BABAM2: variants seen among roughly 807,000 people sequenced by gnomAD.
BABAM2 encodes the protein BRISC and BRCA1-A complex member 2.
BABAM2 carries 31 observed loss-of-function variants against 54.7 expected under a neutral mutation model. The observed-to-expected ratio is 0.57, with a 90% confidence interval of 0.43 to 0.77. The LOEUF (loss-of-function observed/expected upper bound fraction) is 0.77, where lower values mean the gene tolerates loss of function less well. BABAM2 is among the 30% of genes least tolerant of loss of function. The pLI, the probability that BABAM2 is intolerant of heterozygous loss-of-function variation, is 0.00. For missense variants in BABAM2, 364 were observed against 455.8 expected, an observed-to-expected ratio of 0.80 and a Z score of 1.83; for synonymous variants, 167 against 162.9, an observed-to-expected ratio of 1.03 and a Z score of -0.19.
intron 6 of BABAM2, among the ~76,000 whole-genome samples, chr2:28,106,789 A>G (rs767303968): frequency 2.0e-5 from 3 of 152,106 alleles, no homozygotes; most frequent in African/African-American, 4.8e-5. Context: ...CAAATATCCT[A>G]TTTTTTATCA....
At chr2:28,205,092 C>A (rs781467056) in intron 7 of BABAM2, among the ~76,000 whole-genome samples, 13 of 151,708 alleles carry the variant, frequency 8.6e-5, no homozygotes, top group Non-Finnish European at 1.3e-4. Flanking sequence ...GATGGTCATT[C>A]ATGCACGTAG....
At chr2:28,143,822 C>T (rs530022323) in intron 7 of BABAM2, among the ~76,000 whole-genome samples, 1 of 152,278 alleles carries the variant, frequency 6.6e-6, no homozygotes, top group Admixed American at 6.5e-5. Flanking sequence ...GCCACTGTTG[C>T]CCCCATTTTA....
chr2:28,196,370 G>A lies in BABAM2; in HGVS notation c.681-40832G>A, dbSNP rs192684724. Among the ~76,000 whole-genome samples, 556 of 151,600 alleles carry A rather than the reference G, an allele frequency of 3.7e-3. 3 individuals are homozygous for A. The highest frequency in any genetic ancestry group is 4.9e-3 in the Non-Finnish European group (330 of 67,698). ...TACAAAAAAGCATTAACATATGTGT[G>A]TATGTGTCTGTGTGTATATGATTTG... is the stretch of plus-strand genomic sequence containing the variant. On this transcript the variant is annotated intron_variant, in intron 7 of 11. Transcript: ENST00000379624.
At chr2:27,900,605 T>C (rs1447147296) in intron 2 of BABAM2, among the ~76,000 whole-genome samples, 1 of 152,180 alleles carries the variant, frequency 6.6e-6, no homozygotes, top group Non-Finnish European at 1.5e-5. Context: ...TTAGATGTTT[T>C]CCTTGAGAAA....
intron 3 of BABAM2, among the ~76,000 whole-genome samples, chr2:27,946,650 C>T (rs1219326621): frequency 2.0e-5 from 3 of 147,102 alleles, no homozygotes; most frequent in Non-Finnish European, 4.5e-5. Context: ...GAAAGAGAGG[C>T]GAGAGAGAGA....
intron 6 of BABAM2, among the ~76,000 whole-genome samples, chr2:28,087,859 A>G (rs1269623443): frequency 6.6e-6 from 1 of 152,156 alleles, no homozygotes; most frequent in Non-Finnish European, 1.5e-5. Context: ...CATGTTGGCC[A>G]GGCTGGTCTC....
intron 4 of BABAM2, among the ~76,000 whole-genome samples, chr2:28,002,782 T>C (rs1042852819): frequency 6.6e-5 from 10 of 152,206 alleles, no homozygotes; most frequent in African/African-American, 2.2e-4. Context: ...ACTAAACAAC[T>C]GTTTAAAATC....
At chr2:28,056,610 C>G (rs1180901786) in intron 6 of BABAM2, among the ~76,000 whole-genome samples, 1 of 152,060 alleles carries the variant, frequency 6.6e-6, no homozygotes, top group Non-Finnish European at 1.5e-5. Context: ...ACAGTCTATT[C>G]TTCTACAGGA....
intron 6 of BABAM2, among the ~76,000 whole-genome samples, chr2:28,113,987 G>T (rs932166439): frequency 6.6e-6 from 1 of 152,066 alleles, no homozygotes. Flanking sequence ...TGTGATTTTT[G>T]CATGCAATAA....
intron 6 of BABAM2, among the ~76,000 whole-genome samples, chr2:28,093,461 C>G (rs1456182071): frequency 6.6e-6 from 1 of 152,084 alleles, no homozygotes; most frequent in African/African-American, 2.4e-5. Flanking sequence ...GAGACACTTG[C>G]CTTTTTTGGG....
At chr2:27,980,985 G>A (rs1244248335) in intron 3 of BABAM2, among the ~76,000 whole-genome samples, 1 of 151,892 alleles carries the variant, frequency 6.6e-6, no homozygotes, top group African/African-American at 2.4e-5. Context: ...TTATGTGCTT[G>A]TATGAAAATA....
intron 5 of BABAM2, among the ~76,000 whole-genome samples, chr2:28,031,170 G>A (rs1049294878): frequency 6.6e-6 from 1 of 152,084 alleles, no homozygotes; most frequent in Non-Finnish European, 1.5e-5. Context: ...CATTTTCAGC[G>A]AGGCACTTGG....
At chr2:28,231,174 G>C (rs7595527) in intron 7 of BABAM2, among the ~76,000 whole-genome samples, 12,283 of 152,188 alleles carry the variant, frequency 0.081, 634 homozygotes, top group African/African-American at 0.14. Flanking sequence ...GGGTTGTTGT[G>C]AGGTTTAGAG....
chr2:28,249,814 G>T (rs776769132), intron 10 of BABAM2, among the ~76,000 whole-genome samples: 2 of 151,992 alleles, frequency 1.3e-5, no homozygotes, highest in African/African-American at 2.4e-5. Context: ...CTAATTTTAT[G>T]TAGGGACGAG....
chr2:28,227,175 C>G (rs995282269), intron 7 of BABAM2, among the ~76,000 whole-genome samples: 4 of 152,008 alleles, frequency 2.6e-5, no homozygotes, highest in African/African-American at 9.7e-5. Context: ...TCTCACTTTA[C>G]AACTAAACAG....
chr2:28,063,248 C>G (rs754657496), intron 6 of BABAM2, among the ~76,000 whole-genome samples: 3 of 152,134 alleles, frequency 2.0e-5, no homozygotes, highest in Non-Finnish European at 4.4e-5. Context: ...TTTCTCATCA[C>G]GTGGGAAAAG....
At position 27,924,660 on chromosome 2, in the gene BABAM2, C is replaced by T. The variant is rs558579118; in HGVS notation, c.129-5172C>T. 4.6e-5 allele frequency among the ~76,000 whole-genome samples: 7 copies of T among 152,236 alleles called. No individual in the cohort carries two copies. In the South Asian group the frequency reaches 8.3e-4, roughly 18 times the overall value. On this transcript the variant is annotated intron_variant, in intron 2 of 11. Transcript: ENST00000379624. ...CAGCCTCCCAGAGTTGTTGGGATTA[C>T]AGGCGTGAGCCACTGTGCCCTGCCC...
intron 6 of BABAM2, among the ~76,000 whole-genome samples, chr2:28,081,691 C>A (rs1256891484): frequency 6.6e-6 from 1 of 152,142 alleles, no homozygotes. Flanking sequence ...TCACTTCAGC[C>A]CTAAATGAAT....
At position 27,902,506 on chromosome 2, in the gene BABAM2, C is replaced by A. The variant is rs140942870; in HGVS notation, c.128+7822C>A. 7.7e-3 allele frequency among the ~76,000 whole-genome samples: 1,166 copies of A among 152,260 alleles called. 7 individuals are homozygous for A. The highest frequency in any genetic ancestry group is 0.071 in the Middle Eastern group (21 of 294). On this transcript the variant is annotated intron_variant, in intron 2 of 11. Transcript: ENST00000379624. ...CCAGATTGAATCATTTTCCTTCCAT[C>A]AGAAATGAGTTTCTACTATTCTGTA...
Sources: allele counts gnomAD v4.1 joint callset (sites outside exome capture counted in the v4.1 genomes callset), GRCh38; gene constraint gnomAD v4.1.1; transcripts MANE v1.5; gene names NCBI Gene and HGNC (gene_info 2026-07-23, HGNC 2026-07-21).